Variants in TRIT1 observed in about 807,000 individuals in gnomAD.
TRIT1 encodes the protein tRNA dimethylallyltransferase.
A neutral mutation model predicts 51.2 loss-of-function variants in TRIT1; 43 were observed. The ratio of observed to expected loss-of-function variants is 0.84; its 90% CI spans 0.66 to 1.08. The LOEUF (loss-of-function observed/expected upper bound fraction) is 1.08, where lower values mean the gene tolerates loss of function less well. Ranked by LOEUF, TRIT1 falls within the 50% of genes least tolerant of loss-of-function variation. The pLI, the probability that TRIT1 is intolerant of heterozygous loss-of-function variation, is 0.00. For missense variants in TRIT1, 528 were observed against 578.4 expected (o/e 0.91, Z 0.89); for synonymous variants, 184 against 203.9 (o/e 0.90, Z 0.83).
chr1:39,863,532 T>C (rs563004882), intron 1 of TRIT1, among the ~76,000 whole-genome samples: 8 of 152,222 alleles, frequency 5.3e-5, no homozygotes, highest in African/African-American at 1.7e-4. Context: ...AGATACATGA[T>C]ACAAGAGTGT....
At chr1:39,881,016 G>A (rs1570154642) in intron 1 of TRIT1, among the ~76,000 whole-genome samples, 1 of 151,814 alleles carries the variant, frequency 6.6e-6, no homozygotes, top group South Asian at 2.1e-4. Flanking sequence ...TCAGGAGTTC[G>A]AGACCAGTCT....
At position 39,857,374 on chromosome 1, in the gene TRIT1, T is replaced by C; in HGVS notation, c.218A>G (p.Gln73Arg). The C allele has an allele frequency of 5.0e-6, 8 of 1,614,208 alleles. No homozygotes were observed. Among genetic ancestry groups the C allele is most frequent in the Non-Finnish European group, 5.1e-6 (6 of 1,180,026 alleles). ...LDIITNKVSAQEQRICRHHMI... is the reference protein window; with the variant it reads ...LDIITNKVSAREQRICRHHMI... Reference sequence around the variant, plus strand: ...GTGGTGCCGGCAGATTCTCTGCTCTTGGGCAGAAACCTTGTTGGTGATGAT... The same window carrying C: ...GTGGTGCCGGCAGATTCTCTGCTCTCGGGCAGAAACCTTGTTGGTGATGAT... The change falls in exon 2 of 11, where the codon CAA becomes CGA. Residue 73 changes from glutamine to arginine, a missense_variant. Coordinates refer to ENST00000316891, the MANE Select transcript of TRIT1 (RefSeq NM_017646.6).
chr1:39,866,970 T>A (rs1386890522), intron 1 of TRIT1, among the ~76,000 whole-genome samples: 1 of 152,098 alleles, frequency 6.6e-6, no homozygotes, highest in African/African-American at 2.4e-5. Flanking sequence ...CAGCCTGAAG[T>A]GAGACACTGT....
chr1:39,842,319 A>G lies in TRIT1; in HGVS notation c.1235-406T>C, dbSNP rs1012616633. 3.2e-4 allele frequency among the ~76,000 whole-genome samples: 48 copies of G among 152,358 alleles called. 1 individual carries two copies. Among genetic ancestry groups the G allele is most frequent in the African/African-American group, 1.1e-3 (47 of 41,580 alleles). ...AAAAGAGATCCCACTTTCCAGAATC[A>G]GGTCTCTGTAGTATGGGGCTTCCTG... is the stretch of plus-strand genomic sequence containing the variant. On this transcript the variant is annotated intron_variant, in intron 10 of 10. Coordinates refer to ENST00000316891, the MANE Select transcript of TRIT1 (RefSeq NM_017646.6).
chr1:39,849,122 G>C (rs1185850682), intron 5 of TRIT1, among the ~76,000 whole-genome samples: 1 of 152,034 alleles, frequency 6.6e-6, no homozygotes, highest in East Asian at 1.9e-4. Context: ...AACCTTCCTA[G>C]AAAGTTTGCA....
chr1:39,868,909 A>T (rs1411383184), intron 1 of TRIT1, among the ~76,000 whole-genome samples: 1 of 151,048 alleles, frequency 6.6e-6, no homozygotes, highest in Non-Finnish European at 1.5e-5. Flanking sequence ...AAAATATAAA[A>T]ATTAGCTGGG....
intron 1 of TRIT1, among the ~76,000 whole-genome samples, chr1:39,871,830 ACT>A (rs1236250537): frequency 6.6e-6 from 1 of 152,066 alleles, no homozygotes; most frequent in Non-Finnish European, 1.5e-5. Context: ...TATATATCTG[ACT>A]CTATGCATCT....
In TRIT1 at chr1:39,853,988, T is replaced by A. The variant is rs1557547446; in HGVS notation, c.396A>T (p.Lys132Asn). 1 of 1,613,078 alleles carries A rather than the reference T, an allele frequency of 6.2e-7. No individual in the cohort carries two copies. The highest frequency in any genetic ancestry group is 2.2e-5 in the East Asian group (1 of 44,844). Residue 132 changes from lysine to asparagine, a missense_variant, in exon 3 of 11, where the codon AAA becomes AAT. Coordinates refer to ENST00000316891, the MANE Select transcript of TRIT1 (RefSeq NM_017646.6). The part of the protein sequence containing the change: ...TNYYIESLLW[K>N]VLVNTKPQEM... ...AACTTACCTTGGTATTGACAAGAAC[T>A]TTCCAGAGCAGAGATTCAATGTAAT...
Position 39,847,660 on chromosome 1 carries a change from GC to G in TRIT1, c.816-1del. The G allele has an allele frequency of 6.2e-7, 1 of 1,614,156 alleles. No individual in the cohort carries two copies. The highest frequency in any genetic ancestry group is 8.5e-7 in the Non-Finnish European group (1 of 1,180,016). On this transcript the variant is annotated splice_acceptor_variant, in intron 6 of 10. Coordinates refer to ENST00000316891, the MANE Select transcript of TRIT1 (RefSeq NM_017646.6). LOFTEE classifies it high-confidence loss of function. ...GGAAGATACCATGTTGATAGTCCTG[GC>G]TGGGAACAGGAGGGTATCAGCAGAT...
At chr1:39,870,317 T>C (rs908717005) in intron 1 of TRIT1, among the ~76,000 whole-genome samples, 2 of 151,916 alleles carry the variant, frequency 1.3e-5, no homozygotes, top group African/African-American at 2.4e-5. Context: ...GGCAGCATGC[T>C]CGTAAAGAGT....
At chr1:39,881,613 AG>A (rs1644269079) in intron 1 of TRIT1, 1 of 152,086 alleles carries the variant, frequency 6.6e-6, no homozygotes, top group Non-Finnish European at 1.5e-5. Context: ...AGAGTAGAAA[AG>A]GGAGTTCCAT....
At chr1:39,883,217 G>A in intron 1 of TRIT1, 101 bp downstream of exon 1, 4 of 1,297,692 alleles carry the variant, frequency 3.1e-6, no homozygotes, top group Non-Finnish European at 4.2e-6. Flanking sequence ...TACCCCCTCC[G>A]CCCCTACAAG....
At chr1:39,872,752 A>AACACACACACACACACACACACACACAC (rs61554657) in intron 1 of TRIT1, among the ~76,000 whole-genome samples, 10 of 134,988 alleles carry the variant, frequency 7.4e-5, no homozygotes, top group Non-Finnish European at 1.1e-4. Flanking sequence ...GGAAGTACTA[A>AACACACACACACACACACACACACACAC]ACACACACAC....
At chr1:39,857,827 G>T (rs1356753163) in intron 1 of TRIT1, among the ~76,000 whole-genome samples, 1 of 152,118 alleles carries the variant, frequency 6.6e-6, no homozygotes, top group East Asian at 1.9e-4. Context: ...GGTATTTCTT[G>T]GATTTAAATA....
chr1:39,868,260 T>C (rs774823057), intron 1 of TRIT1, among the ~76,000 whole-genome samples: 7 of 152,162 alleles, frequency 4.6e-5, no homozygotes, highest in Non-Finnish European at 8.8e-5. Context: ...TGAAAGATAC[T>C]GTGAAGAGAA....
At chr1:39,880,291 A>G (rs983761834) in intron 1 of TRIT1, among the ~76,000 whole-genome samples, 65 of 150,938 alleles carry the variant, frequency 4.3e-4, no homozygotes, top group Admixed American at 8.6e-4. Flanking sequence ...AAAAAAAAAA[A>G]AAGAAGAAAC....
chr1:39,852,592 C>G (rs1642644245), intron 4 of TRIT1, 139 bp downstream of exon 4: 1 of 1,078,108 alleles, frequency 9.3e-7, no homozygotes, highest in South Asian at 1.6e-5. Flanking sequence ...TCAGGGCCTC[C>G]CAACCTGCTG....
intron 1 of TRIT1, among the ~76,000 whole-genome samples, chr1:39,858,809 G>C (rs1193790644): frequency 1.3e-5 from 2 of 152,140 alleles, no homozygotes; most frequent in African/African-American, 2.4e-5. Context: ...ATTTGTGCCT[G>C]ACAGCAGACT....
In TRIT1 at chr1:39,883,466, G is replaced by T; in HGVS notation, c.26C>A (p.Ala9Glu). The change falls in exon 1 of 11, where the codon GCA (alanine) becomes GAA (glutamate). Residue 9 changes from alanine (A) to glutamate (E), a missense_variant. Ala to Glu is a moderately radical substitution (Grantham distance 107). This residue lies in a region of TRIT1 where 55 missense variants were observed against 37.0 expected (regional missense o/e 1.49). Transcript: ENST00000316891. MASVAAAR[A>E]VPVGSGLRGL... ...CCTGAGCCCACTGCCCACGGGAACT[G>T]CTCGTGCAGCCGCCACGGACGCCAT... The T allele has an allele frequency of 1.3e-6, 2 of 1,597,022 alleles. No individual in the cohort carries two copies. The highest frequency in any genetic ancestry group is 1.7e-6 in the Non-Finnish European group (2 of 1,166,622).
Sources: allele counts gnomAD v4.1 joint callset (sites outside exome capture counted in the v4.1 genomes callset), GRCh38; gene constraint gnomAD v4.1.1; regional missense constraint gnomAD v4.1.1; transcripts MANE v1.5; gene names NCBI Gene and HGNC (gene_info 2026-07-23, HGNC 2026-07-21).